Variants in RSRC1 observed in about 807,000 individuals in gnomAD.
The protein encoded by RSRC1 is arginine and serine rich coiled-coil 1, also known as serine/Arginine-related protein 53.
RSRC1 carries 39 observed loss-of-function variants against 49.1 expected under a neutral mutation model. That is an observed-to-expected ratio of 0.79 (90% CI 0.61 to 1.04). The LOEUF is 1.04. Among genes scored for constraint, RSRC1 ranks in the 50% least tolerant of loss-of-function variants. The probability of loss-of-function intolerance (pLI) is 0.00; values close to 1 mark genes in which losing one functional copy is unlikely to be tolerated. For missense variants in RSRC1, 388 were observed against 402.4 expected, an observed-to-expected ratio of 0.96 and a Z score of 0.31; for synonymous variants, 143 against 130.8, an observed-to-expected ratio of 1.09 and a Z score of -0.63.
chr3:158,351,214 G>T (rs1451454593), intron 5 of RSRC1, among the ~76,000 whole-genome samples: 1 of 152,222 alleles, frequency 6.6e-6, no homozygotes, highest in East Asian at 1.9e-4. Flanking sequence ...ACAAACTCAA[G>T]CCTAGAAACA....
At chr3:158,469,814 C>A (rs1250591445) in intron 7 of RSRC1, 2 of 152,062 alleles carry the variant, frequency 1.3e-5, no homozygotes, top group Admixed American at 1.3e-4. Flanking sequence ...ACAGGACTAG[C>A]ATTTGGAAAT....
intron 6 of RSRC1, among the ~76,000 whole-genome samples, chr3:158,379,120 A>C (rs1008182688): frequency 6.6e-6 from 1 of 150,910 alleles, no homozygotes; most frequent in Non-Finnish European, 1.5e-5. Context: ...CATGATTCCC[A>C]CTAGTTCCAT....
At chr3:158,465,988 TA>T (rs1437075764) in intron 7 of RSRC1, among the ~76,000 whole-genome samples, 6 of 152,182 alleles carry the variant, frequency 3.9e-5, no homozygotes, top group African/African-American at 1.4e-4. Flanking sequence ...CCATCTGTCT[TA>T]TTTCCCTCAG....
intron 7 of RSRC1, among the ~76,000 whole-genome samples, chr3:158,507,830 T>C (rs1441924070): frequency 6.6e-6 from 1 of 152,138 alleles, no homozygotes. Context: ...CCCAGCACTT[T>C]GGGAGGCTGA....
intron 4 of RSRC1, among the ~76,000 whole-genome samples, chr3:158,233,023 AT>A (rs34083277): frequency 0.61 from 93,216 of 151,834 alleles, 28,984 homozygotes; most frequent in East Asian, 0.73. Flanking sequence ...TGAATGAATA[AT>A]TAAAAAACAG....
At chr3:158,283,741 C>T (rs1307239223) in intron 4 of RSRC1, among the ~76,000 whole-genome samples, 4 of 152,062 alleles carry the variant, frequency 2.6e-5, no homozygotes, top group Non-Finnish European at 5.9e-5. Flanking sequence ...CAAGGCTTTA[C>T]GTGTATTGTT....
At chr3:158,291,194 A>T (rs974212403) in intron 4 of RSRC1, among the ~76,000 whole-genome samples, 7 of 152,180 alleles carry the variant, frequency 4.6e-5, no homozygotes, top group Admixed American at 2.0e-4. Context: ...TCTTAAAAAA[A>T]TTATTTTTAA....
chr3:158,341,061 G>A (rs911572229), intron 5 of RSRC1, among the ~76,000 whole-genome samples: 1 of 152,152 alleles, frequency 6.6e-6, no homozygotes, highest in African/African-American at 2.4e-5. Flanking sequence ...AAGCAGCAAA[G>A]CATTCAAGAG....
intron 6 of RSRC1, among the ~76,000 whole-genome samples, chr3:158,404,143 G>A (rs1734035086): frequency 6.6e-6 from 1 of 151,824 alleles, no homozygotes; most frequent in Admixed American, 6.6e-5. Flanking sequence ...ATCAAATTTA[G>A]TATTTTTATT....
At chr3:158,476,398 T>C (rs1738369380) in intron 7 of RSRC1, among the ~76,000 whole-genome samples, 1 of 152,120 alleles carries the variant, frequency 6.6e-6, no homozygotes, top group African/African-American at 2.4e-5. Flanking sequence ...AGGATTGTCA[T>C]AGGTAGAGAG....
intron 6 of RSRC1, among the ~76,000 whole-genome samples, chr3:158,370,505 T>C (rs571379324): frequency 2.8e-4 from 42 of 152,076 alleles, no homozygotes; most frequent in African/African-American, 1.0e-3. Context: ...AATGGAATCA[T>C]ATAGTATGTA....
intron 7 of RSRC1, among the ~76,000 whole-genome samples, chr3:158,474,610 A>G (rs1423319280): frequency 6.6e-6 from 1 of 152,216 alleles, no homozygotes; most frequent in Non-Finnish European, 1.5e-5. Flanking sequence ...TATTTATCGT[A>G]GAACTTCTTC....
intron 2 of RSRC1, among the ~76,000 whole-genome samples, chr3:158,123,045 C>T (rs1305921604): frequency 6.6e-6 from 1 of 152,112 alleles, no homozygotes; most frequent in Non-Finnish European, 1.5e-5. Flanking sequence ...GAGTTTTGCT[C>T]TTGTTGTCCA....
chr3:158,418,237 A>G (rs771746157), intron 6 of RSRC1, among the ~76,000 whole-genome samples: 2 of 152,004 alleles, frequency 1.3e-5, no homozygotes, highest in African/African-American at 2.4e-5. Flanking sequence ...TTGTCCATCA[A>G]TAAAAGCCAA....
chr3:158,165,235 G>T (rs907056766), intron 3 of RSRC1, among the ~76,000 whole-genome samples: 1 of 152,138 alleles, frequency 6.6e-6, no homozygotes, highest in Non-Finnish European at 1.5e-5. Flanking sequence ...AATTAATGGA[G>T]GATTAATTAC....
intron 5 of RSRC1, 105 bp downstream of exon 5, chr3:158,298,180 C>T: frequency 1.2e-6 from 1 of 858,140 alleles, no homozygotes. Flanking sequence ...GAAAGTCAAC[C>T]ATTTCCCAAA....
intron 5 of RSRC1, chr3:158,302,597 A>G (rs1418362187): frequency 7.3e-6 from 1 of 137,830 alleles, no homozygotes; most frequent in African/African-American, 2.7e-5. Context: ...CTAAAGTTGT[A>G]GAAAGTTGAC....
chr3:158,362,703 C>T (rs1474206501), intron 6 of RSRC1, among the ~76,000 whole-genome samples: 1 of 152,162 alleles, frequency 6.6e-6, no homozygotes, highest in Non-Finnish European at 1.5e-5. Flanking sequence ...GTAAGGACTC[C>T]TTTGTCTCCA....
chr3:158,510,312 GTTC>G (rs1447200059), intron 7 of RSRC1, among the ~76,000 whole-genome samples: 1 of 151,972 alleles, frequency 6.6e-6, no homozygotes, highest in Non-Finnish European at 1.5e-5. Context: ...TCTTTTACTA[GTTC>G]TTTGTAAATT....
Sources: gnomAD v4.1 joint callset for allele counts (sites outside exome capture counted in the v4.1 genomes callset) on GRCh38, gnomAD v4.1.1 for gene constraint, MANE v1.5 for transcripts, NCBI Gene and HGNC (gene_info 2026-07-23, HGNC 2026-07-21) for gene names.